PCDHA7: variants seen among roughly 807,000 people sequenced by gnomAD.
PCDHA7 encodes the protein protocadherin alpha-7.
PCDHA7 carries 37 observed loss-of-function variants against 57.2 expected under a neutral mutation model. The ratio of observed to expected loss-of-function variants is 0.65; its 90% confidence interval spans 0.50 to 0.85. PCDHA7 has a LOEUF of 0.85. Among genes scored for constraint, PCDHA7 ranks in the 40% least tolerant of loss-of-function variants. PCDHA7 has a pLI of 0.00. For synonymous variants in PCDHA7, 553 were observed against 558.8 expected (o/e 0.99, Z 0.15); for missense variants, 1,188 against 1,241.8 (o/e 0.96, Z 0.65).
rs551606343 is a variant in PCDHA7 at position 140,977,430 on chromosome 5, G to A, written c.2356-1519G>A. Among the ~76,000 whole-genome samples, 14 of 152,252 alleles carry A rather than the reference G, an allele frequency of 9.2e-5. No homozygotes were observed. The South Asian group carries it at 2.5e-3, about 27-fold the overall frequency. The stretch of plus-strand genomic sequence containing the variant: ...ATTTTCTTTTGTTCCCTCTAACACC[G>A]CTAGTAGATAATGGAAACTCCTTTG... On this transcript the variant is annotated intron_variant, in intron 1 of 3. Coordinates refer to ENST00000525929, the MANE Select transcript of PCDHA7 (RefSeq NM_018910.3).
chr5:140,882,164 C>T (rs2058984922), intron 1 of PCDHA7: 2 of 1,509,832 alleles, frequency 1.3e-6, no homozygotes. Flanking sequence ...ATACCTCTTG[C>T]GAATCCTTCC....
At chr5:141,000,412 TATA>T (rs2097919742) in intron 3 of PCDHA7, among the ~76,000 whole-genome samples, 3 of 102,806 alleles carry the variant, frequency 2.9e-5, no homozygotes, top group African/African-American at 7.7e-5. Flanking sequence ...TATATATATA[TATA>T]TATATATTTT....
At chr5:140,876,309 TG>T (rs782243460) in intron 1 of PCDHA7, 8 of 1,613,946 alleles carry the variant, frequency 5.0e-6, no homozygotes, top group Non-Finnish European at 6.8e-6. Flanking sequence ...AAATTTCCTA[TG>T]GGATCAAAAT....
chr5:140,863,257 C>G (rs1158491669), intron 1 of PCDHA7: 1 of 1,442,346 alleles, frequency 6.9e-7, no homozygotes, highest in Non-Finnish European at 9.4e-7. Context: ...CGTCGAGGTC[C>G]GGGAGGCAGC....
intron 1 of PCDHA7, among the ~76,000 whole-genome samples, chr5:140,902,516 G>C (rs1410717975): frequency 6.6e-6 from 1 of 151,990 alleles, no homozygotes; most frequent in Non-Finnish European, 1.5e-5. Context: ...GTCATATATG[G>C]TTTTTATTAT....
intron 1 of PCDHA7, among the ~76,000 whole-genome samples, chr5:140,977,051 G>T (rs2096743579): frequency 6.6e-6 from 1 of 152,178 alleles, no homozygotes; most frequent in South Asian, 2.1e-4. Flanking sequence ...GTTGCTGATG[G>T]ACTAGTATAG....
At chr5:140,861,554 C>G (rs1023234694) in intron 1 of PCDHA7, 16 of 398,878 alleles carry the variant, frequency 4.0e-5, no homozygotes, top group African/African-American at 3.3e-4. Flanking sequence ...TGGAAGTGAT[C>G]GTGGACAAGC....
intron 1 of PCDHA7, chr5:140,852,588 T>A (rs2150519378): frequency 0.079 from 70,028 of 881,224 alleles, 6,599 homozygotes; most frequent in African/African-American, 0.093. Flanking sequence ...TTTTATTTTT[T>A]TTTTTTGTCA....
At chr5:140,856,513 C>A (rs17844340) in intron 1 of PCDHA7, 3 of 1,598,242 alleles carry the variant, frequency 1.9e-6, no homozygotes, top group Non-Finnish European at 2.6e-6. Flanking sequence ...CACTAGAAGG[C>A]GCATCTGATG....
chr5:140,850,275 G>T, intron 1 of PCDHA7: 1 of 1,595,466 alleles, frequency 6.3e-7, no homozygotes, highest in East Asian at 2.2e-5. Flanking sequence ...GGTGGGGAAG[G>T]TGCGCGCAGT....
chr5:140,846,378 T>C (rs1033282132), intron 1 of PCDHA7, among the ~76,000 whole-genome samples: 4 of 135,270 alleles, frequency 3.0e-5, no homozygotes, highest in Middle Eastern at 3.8e-3. Flanking sequence ...TCTTTCTTTT[T>C]TTTTTTTTTT....
chr5:140,883,453 C>A lies in PCDHA7; in HGVS notation c.2355+46715C>A, dbSNP rs138388360. The stretch of plus-strand genomic sequence containing the variant: ...GCACCTTGACGCCGCATGTCCCCTT[C>A]AAGCTGGTGTCCACCTACAAGAACT... On this transcript the variant is annotated intron_variant, in intron 1 of 3. Transcript: ENST00000525929. 3.2e-5 allele frequency: 51 copies of A among 1,614,168 alleles called. No individual in the cohort carries two copies. In the East Asian group the frequency reaches 1.1e-3, roughly 35 times the overall value.
At chr5:140,879,347 T>C (rs530902728) in intron 1 of PCDHA7, among the ~76,000 whole-genome samples, 44 of 152,324 alleles carry the variant, frequency 2.9e-4, no homozygotes, top group African/African-American at 1.0e-3. Context: ...GCTGAGAAGA[T>C]GACATTGCCA....
At chr5:140,929,010 G>A in intron 1 of PCDHA7, 2 of 1,614,128 alleles carry the variant, frequency 1.2e-6, no homozygotes, top group Non-Finnish European at 1.7e-6. Flanking sequence ...TGTGTACCAA[G>A]TTGCACCAGA....
intron 1 of PCDHA7, chr5:140,857,682 G>T (rs1554150517): frequency 2.5e-6 from 4 of 1,596,980 alleles, no homozygotes; most frequent in Middle Eastern, 1.8e-4. Context: ...CCGCCTCTGG[G>T]CAGCAACTTG....
At position 140,993,462 on chromosome 5, in the gene PCDHA7, TCACACACACACACACACACA is replaced by T. The variant is rs3836747; in HGVS notation, c.2503+10927_2503+10946del. ...CATTCCTGTTCTCCTTCTTTCTTTC[TCACACACACACACACACACA>T]CACACACACACACACACACACACAC... On this transcript the variant is annotated intron_variant, in intron 3 of 3. Coordinates refer to ENST00000525929, the MANE Select transcript of PCDHA7 (RefSeq NM_018910.3). Among the ~76,000 whole-genome samples the T allele has an allele frequency of 7.1e-5, 10 of 141,044 alleles. No individual in the cohort carries two copies. In the South Asian group the frequency reaches 9.5e-4, roughly 13 times the overall value. The allele number at this position is 141,044 out of a possible 152,430, so 92.5% of individuals were successfully genotyped here.
chr5:140,841,854 T>C (rs2150324158), intron 1 of PCDHA7: 6 of 1,613,730 alleles, frequency 3.7e-6, no homozygotes, highest in Non-Finnish European at 5.1e-6. Context: ...CATGATTACT[T>C]CATGCTAGAT....
chr5:140,894,821 C>A (rs1303468240), intron 1 of PCDHA7, among the ~76,000 whole-genome samples: 1 of 151,806 alleles, frequency 6.6e-6, no homozygotes, highest in African/African-American at 2.4e-5. Flanking sequence ...TCAGATTTGC[C>A]CATAATCCTT....
At chr5:140,884,206 C>T (rs1554181328) in intron 1 of PCDHA7, 1 of 1,613,542 alleles carries the variant, frequency 6.2e-7, no homozygotes, top group Admixed American at 1.7e-5. Context: ...CGCACCACCG[C>T]CTTCTGGTGC....
Sources: gnomAD v4.1 joint callset for allele counts (sites outside exome capture counted in the v4.1 genomes callset) on GRCh38, gnomAD v4.1.1 for gene constraint, MANE v1.5 for transcripts, NCBI Gene and HGNC (gene_info 2026-07-23, HGNC 2026-07-21) for gene names.